RAPGEF4: variants seen among roughly 807,000 people sequenced by gnomAD.
RAPGEF4 encodes the protein Rap guanine nucleotide exchange factor 4, also known as RAP guanine-nucleotide-exchange factor (GEF) 4.
In RAPGEF4, 66 loss-of-function variants were observed where a neutral mutation model predicts 147.9. That is an observed-to-expected ratio of 0.45 (90% CI 0.37 to 0.55). The LOEUF (loss-of-function observed/expected upper bound fraction) is 0.55, where lower values mean the gene tolerates loss of function less well. Ranked by LOEUF, RAPGEF4 falls within the 20% of genes least tolerant of loss-of-function variation. RAPGEF4 has a pLI of 0.00. For synonymous variants in RAPGEF4, 419 were observed against 442.7 expected, an observed-to-expected ratio of 0.95 and a Z score of 0.67; for missense variants, 1,071 against 1,257.3, an observed-to-expected ratio of 0.85 and a Z score of 2.24.
At chr2:172,753,534 C>T (rs1695487965) in intron 1 of RAPGEF4, among the ~76,000 whole-genome samples, 1 of 151,160 alleles carries the variant, frequency 6.6e-6, no homozygotes, top group Admixed American at 6.6e-5. Context: ...GGAAAAGCAA[C>T]ACAGGTATAC....
chr2:172,810,120 C>T (rs952914864), intron 3 of RAPGEF4, among the ~76,000 whole-genome samples: 9 of 152,162 alleles, frequency 5.9e-5, no homozygotes, highest in Non-Finnish European at 1.0e-4. Context: ...CTTACTAGGA[C>T]AATCTAAGAA....
chr2:172,831,426 G>A (rs375160712), intron 4 of RAPGEF4, among the ~76,000 whole-genome samples: 4 of 151,546 alleles, frequency 2.6e-5, no homozygotes, highest in African/African-American at 7.3e-5. Context: ...CTGCCACCAT[G>A]CCCGGCTAAT....
intron 14 of RAPGEF4, 145 bp downstream of exon 14, chr2:172,988,984 T>C: frequency 3.4e-6 from 3 of 892,548 alleles, no homozygotes; most frequent in Non-Finnish European, 5.0e-6. Flanking sequence ...AAACCGGTTA[T>C]ATTTAATGTG....
chr2:172,996,055 G>A (rs1054432482), intron 15 of RAPGEF4, among the ~76,000 whole-genome samples: 4 of 152,134 alleles, frequency 2.6e-5, no homozygotes, highest in Non-Finnish European at 5.9e-5. Context: ...GTTTTGCTAT[G>A]AGTAACCCAT....
At chr2:172,834,066 T>A (rs1237724228) in intron 4 of RAPGEF4, among the ~76,000 whole-genome samples, 2 of 152,148 alleles carry the variant, frequency 1.3e-5, no homozygotes, top group African/African-American at 2.4e-5. Context: ...TATTCATCCT[T>A]ATCTATTTGG....
chr2:172,923,085 G>T (rs1056108385), intron 6 of RAPGEF4, among the ~76,000 whole-genome samples: 1 of 152,132 alleles, frequency 6.6e-6, no homozygotes, highest in African/African-American at 2.4e-5. Context: ...TCTGCTTTCG[G>T]TCCCATGTCT....
intron 29 of RAPGEF4, 50 bp from the exon 30 acceptor site, chr2:173,048,550 C>G: frequency 1.2e-6 from 2 of 1,612,388 alleles, no homozygotes; most frequent in Non-Finnish European, 1.7e-6. Flanking sequence ...TTGGATTGTA[C>G]TCTACGCTTA....
intron 6 of RAPGEF4, among the ~76,000 whole-genome samples, chr2:172,944,193 C>T (rs1687449823): frequency 6.6e-6 from 1 of 152,104 alleles, no homozygotes; most frequent in Non-Finnish European, 1.5e-5. Context: ...TGCAGGCTGC[C>T]AGTCTGCATC....
At chr2:172,758,410 A>G (rs970587703) in intron 1 of RAPGEF4, among the ~76,000 whole-genome samples, 1 of 152,190 alleles carries the variant, frequency 6.6e-6, no homozygotes, top group Admixed American at 6.5e-5. Context: ...CAGAGGAATG[A>G]TATAATCTGG....
At chr2:172,944,171 A>ACCCTTGGTAAATGCC in intron 6 of RAPGEF4, among the ~76,000 whole-genome samples, 1 of 152,082 alleles carries the variant, frequency 6.6e-6, no homozygotes, top group Non-Finnish European at 1.5e-5. Flanking sequence ...TGGTAAATGC[A>ACCCTTGGTAAATGCC]CCCTTGGTAA....
intron 4 of RAPGEF4, among the ~76,000 whole-genome samples, chr2:172,874,335 G>C (rs1234279128): frequency 6.6e-6 from 1 of 152,054 alleles, no homozygotes; most frequent in Non-Finnish European, 1.5e-5. Flanking sequence ...TGCCATGTTG[G>C]TGTGCTGCAC....
At chr2:172,992,069 T>C (rs1191442416) in intron 15 of RAPGEF4, among the ~76,000 whole-genome samples, 1 of 152,166 alleles carries the variant, frequency 6.6e-6, no homozygotes, top group Non-Finnish European at 1.5e-5. Context: ...AGTTTTCACA[T>C]GCCTATCCCC....
chr2:172,777,998 A>G (rs896790706), intron 1 of RAPGEF4, among the ~76,000 whole-genome samples: 3 of 152,136 alleles, frequency 2.0e-5, no homozygotes, highest in Admixed American at 6.5e-5. Context: ...TTTTCTAATA[A>G]ATAAAAATTT....
At chr2:172,842,297 G>T (rs911039594) in intron 4 of RAPGEF4, among the ~76,000 whole-genome samples, 1 of 152,196 alleles carries the variant, frequency 6.6e-6, no homozygotes, top group Non-Finnish European at 1.5e-5. Context: ...AGGAGGTGAA[G>T]TCTATACTGA....
At chr2:172,896,351 T>A (rs1397148110) in intron 4 of RAPGEF4, among the ~76,000 whole-genome samples, 1 of 152,260 alleles carries the variant, frequency 6.6e-6, no homozygotes, top group Admixed American at 6.5e-5. Context: ...TATGGCACAC[T>A]GATTTATAAT....
chr2:172,820,056 G>A (rs905159680), intron 4 of RAPGEF4, among the ~76,000 whole-genome samples: 11 of 152,176 alleles, frequency 7.2e-5, no homozygotes, highest in African/African-American at 2.4e-4. Context: ...GGTTTTGTTG[G>A]GTTTTCTTCT....
chr2:172,916,040 C>T (rs1045530036), intron 4 of RAPGEF4, among the ~76,000 whole-genome samples: 2 of 152,128 alleles, frequency 1.3e-5, no homozygotes, highest in Non-Finnish European at 2.9e-5. Flanking sequence ...ATGCACAAGT[C>T]CTGGAATCCA....
At chr2:172,796,576 C>G (rs1282554122) in intron 2 of RAPGEF4, among the ~76,000 whole-genome samples, 3 of 152,078 alleles carry the variant, frequency 2.0e-5, no homozygotes, top group African/African-American at 7.2e-5. Context: ...GGCTGGAGTG[C>G]AGTGGTGCAA....
chr2:172,864,678 T>C (rs1256268857), intron 4 of RAPGEF4, among the ~76,000 whole-genome samples: 1 of 152,138 alleles, frequency 6.6e-6, no homozygotes, highest in Admixed American at 6.5e-5. Context: ...CTGAGGTGGG[T>C]GGATCACTTG....
Sources: gnomAD v4.1 joint callset for allele counts (sites outside exome capture counted in the v4.1 genomes callset) on GRCh38, gnomAD v4.1.1 for gene constraint, MANE v1.5 for transcripts, NCBI Gene and HGNC (gene_info 2026-07-23, HGNC 2026-07-21) for gene names.